Variants in PIBF1 observed in about 807,000 individuals in gnomAD.
The protein encoded by PIBF1 is progesterone immunomodulatory binding factor 1.
PIBF1 carries 90 observed loss-of-function variants against 112.5 expected under a neutral mutation model. That is an observed-to-expected ratio of 0.80 (90% confidence interval 0.67 to 0.95). The LOEUF is 0.95. Ranked by LOEUF, PIBF1 falls within the 40% of genes least tolerant of loss-of-function variation. The pLI is 0.00. For synonymous variants in PIBF1, 301 were observed against 288.6 expected (o/e 1.04, Z -0.44); for missense variants, 915 against 852.3 (o/e 1.07, Z -0.92).
At chr13:72,972,789 A>G (rs2042930646) in intron 15 of PIBF1, among the ~76,000 whole-genome samples, 1 of 152,238 alleles carries the variant, frequency 6.6e-6, no homozygotes, top group South Asian at 2.1e-4. Flanking sequence ...GAAATTGAAA[A>G]TCAAACTAAT....
At chr13:72,860,885 C>A (rs942975521) in intron 10 of PIBF1, among the ~76,000 whole-genome samples, 1 of 152,084 alleles carries the variant, frequency 6.6e-6, no homozygotes, top group Non-Finnish European at 1.5e-5. Context: ...GTAACAAATA[C>A]CCAGTTTTCA....
At chr13:72,811,401 A>G (rs1228444869) in intron 5 of PIBF1, among the ~76,000 whole-genome samples, 4 of 152,060 alleles carry the variant, frequency 2.6e-5, no homozygotes, top group Middle Eastern at 3.2e-3. Flanking sequence ...TCAGGAGTTC[A>G]AGACCTGAAC....
Position 72,945,854 on chromosome 13 carries a change from A to T in PIBF1, c.1833+14587A>T, listed in dbSNP as rs531110149. Among the ~76,000 whole-genome samples, 7 of 152,348 alleles carry T rather than the reference A, an allele frequency of 4.6e-5. No individual in the cohort carries two copies. The East Asian group carries it at 9.6e-4, about 21-fold the overall frequency. On this transcript the variant is annotated intron_variant, in intron 14 of 17. Transcript: ENST00000326291. ...TTCAGTAAATATAACAAAAATGATT[A>T]TACGAATATATATGTATAAATAAGA...
chr13:72,794,242 G>A lies in PIBF1; in HGVS notation c.354-1117G>A, dbSNP rs538084773. Among the ~76,000 whole-genome samples the A allele has an allele frequency of 6.6e-5, 10 of 152,230 alleles. No homozygotes were observed. In the South Asian group the frequency reaches 2.1e-3, roughly 32 times the overall value. ...ATTTAGATGTCATTGAGATTTCATT[G>A]GAGACAGTAAAAATATGATCGCCAT... On this transcript the variant is annotated intron_variant, in intron 3 of 17. Coordinates refer to ENST00000326291, the MANE Select transcript of PIBF1 (RefSeq NM_006346.4).
chr13:72,996,567 C>T (rs2043679938), intron 16 of PIBF1, among the ~76,000 whole-genome samples: 1 of 152,156 alleles, frequency 6.6e-6, no homozygotes, highest in Non-Finnish European at 1.5e-5. Flanking sequence ...GCTGGAGAAT[C>T]ACTTAAGGCC....
intron 10 of PIBF1, among the ~76,000 whole-genome samples, chr13:72,856,124 C>T (rs185934113): frequency 1.1e-4 from 16 of 152,172 alleles, no homozygotes; most frequent in African/African-American, 2.9e-4. Flanking sequence ...GAAGGCCATG[C>T]GATACTCTAA....
intron 14 of PIBF1, among the ~76,000 whole-genome samples, chr13:72,943,756 G>A (rs2042074018): frequency 6.6e-6 from 1 of 152,162 alleles, no homozygotes; most frequent in Admixed American, 6.5e-5. Context: ...TATGTCTTAA[G>A]TGTTGACATG....
At chr13:72,966,442 A>T (rs1185438392) in intron 15 of PIBF1, among the ~76,000 whole-genome samples, 1 of 152,168 alleles carries the variant, frequency 6.6e-6, no homozygotes, top group Non-Finnish European at 1.5e-5. Context: ...TTTTAAAGTT[A>T]AAAATTCTGT....
intron 5 of PIBF1, among the ~76,000 whole-genome samples, chr13:72,819,336 C>T (rs2036436905): frequency 6.9e-6 from 1 of 145,568 alleles, no homozygotes; most frequent in Non-Finnish European, 1.5e-5. Flanking sequence ...GATCCCATCT[C>T]CTAAAGCCCT....
intron 10 of PIBF1, among the ~76,000 whole-genome samples, chr13:72,874,039 T>C (rs1257864280): frequency 6.6e-6 from 1 of 152,138 alleles, no homozygotes; most frequent in East Asian, 1.9e-4. Flanking sequence ...TATACCAAAA[T>C]TCATTACCAC....
At chr13:72,904,080 T>A (rs1026762361) in intron 11 of PIBF1, among the ~76,000 whole-genome samples, 2 of 149,828 alleles carry the variant, frequency 1.3e-5, no homozygotes, top group African/African-American at 5.1e-5. Context: ...GATAATTATT[T>A]GTTGGGTAAA....
chr13:72,948,236 A>G (rs1272027587), intron 14 of PIBF1, among the ~76,000 whole-genome samples: 1 of 152,040 alleles, frequency 6.6e-6, no homozygotes, highest in Non-Finnish European at 1.5e-5. Flanking sequence ...TAAAAAAAAG[A>G]AAAAGAAATT....
In PIBF1 at chr13:72,905,297, A is replaced by G. The variant is rs2040662684; in HGVS notation, c.1489-3234A>G. On this transcript the variant is annotated intron_variant, in intron 11 of 17. Transcript: ENST00000326291. Reference sequence around the variant, plus strand: ...TGGCCAGGGTGGTCTTGAACTGCTGACCTCGTGATCCGCACATCTCAGCCT... The same window carrying G: ...TGGCCAGGGTGGTCTTGAACTGCTGGCCTCGTGATCCGCACATCTCAGCCT... Among the ~76,000 whole-genome samples, 5 of 151,370 alleles carry G rather than the reference A, an allele frequency of 3.3e-5. No individual in the cohort carries two copies. The South Asian group carries it at 1.0e-3, about 32-fold the overall frequency.
intron 8 of PIBF1, among the ~76,000 whole-genome samples, chr13:72,830,627 C>T (rs539475688): frequency 6.6e-6 from 1 of 152,258 alleles, no homozygotes; most frequent in Non-Finnish European, 1.5e-5. Flanking sequence ...ATGAAGCCAA[C>T]TTGATCATGG....
At chr13:72,848,010 A>G (rs367911164) in intron 9 of PIBF1, among the ~76,000 whole-genome samples, 2 of 152,312 alleles carry the variant, frequency 1.3e-5, no homozygotes, top group South Asian at 2.1e-4. Flanking sequence ...AGAAAAATAT[A>G]TTTACTTCTA....
At chr13:72,929,335 G>A (rs766493759) in intron 13 of PIBF1, among the ~76,000 whole-genome samples, 1 of 151,782 alleles carries the variant, frequency 6.6e-6, no homozygotes, top group Non-Finnish European at 1.5e-5. Flanking sequence ...GTTATTTTAG[G>A]GTCAAATTAG....
intron 16 of PIBF1, among the ~76,000 whole-genome samples, chr13:72,978,059 C>A (rs986099836): frequency 6.6e-6 from 1 of 152,124 alleles, no homozygotes; most frequent in Non-Finnish European, 1.5e-5. Context: ...AGAGCTTATA[C>A]CTGCCCACAC....
intron 12 of PIBF1, among the ~76,000 whole-genome samples, chr13:72,913,796 G>A (rs2040983128): frequency 6.6e-6 from 1 of 151,830 alleles, no homozygotes; most frequent in South Asian, 2.1e-4. Flanking sequence ...TGAGTATATG[G>A]ATGTATACTG....
chr13:72,985,594 A>T (rs748705781), intron 16 of PIBF1, among the ~76,000 whole-genome samples: 2 of 152,156 alleles, frequency 1.3e-5, no homozygotes, highest in Non-Finnish European at 2.9e-5. Context: ...AGACAATATT[A>T]ACAATTATAT....
Sources: allele counts gnomAD v4.1 joint callset (sites outside exome capture counted in the v4.1 genomes callset), GRCh38; gene constraint gnomAD v4.1.1; transcripts MANE v1.5; gene names NCBI Gene and HGNC (gene_info 2026-07-23, HGNC 2026-07-21).